The following AFG2A variants were observed in gnomAD, a reference collection of about 807,000 sequenced individuals.
The protein encoded by AFG2A is ATPase family gene 2 protein homolog A.
At chr4:123,087,152 G>A in the AFG2A span, among the ~76,000 whole-genome samples, 2 of 152,206 alleles carry the variant, frequency 1.3e-5, no homozygotes, top group South Asian at 2.1e-4. Flanking sequence ...ATGATATATG[G>A]GATAAAATGA....
chr4:122,937,884 G>T, the AFG2A span, among the ~76,000 whole-genome samples: 1 of 152,114 alleles, frequency 6.6e-6, no homozygotes, highest in Non-Finnish European at 1.5e-5. Flanking sequence ...CTTTTAAGCA[G>T]CATACTCTAC....
chr4:122,987,207 A>G, the AFG2A span, among the ~76,000 whole-genome samples: 50 of 152,112 alleles, frequency 3.3e-4, no homozygotes, highest in Non-Finnish European at 2.6e-4. Context: ...GCAAATAGCA[A>G]TCAAAATAGA....
At chr4:123,181,185 T>C in the AFG2A span, among the ~76,000 whole-genome samples, 2 of 151,836 alleles carry the variant, frequency 1.3e-5, no homozygotes, top group Non-Finnish European at 2.9e-5. Context: ...GGGGTTTCAC[T>C]GTGTTAGCCA....
the AFG2A span, among the ~76,000 whole-genome samples, chr4:123,007,608 G>GTGTGTGTGTA: frequency 7.1e-3 from 129 of 18,076 alleles, 1 homozygote; most frequent in African/African-American, 0.011. Context: ...GTGTGTGTGT[G>GTGTGTGTGTA]TATATATATA....
chr4:123,292,738 G>T, the AFG2A span, among the ~76,000 whole-genome samples: 1 of 152,118 alleles, frequency 6.6e-6, no homozygotes, highest in African/African-American at 2.4e-5. Context: ...GGCTGGAATG[G>T]CAGAGGTCCC....
At chr4:123,110,783 A>G in the AFG2A span, among the ~76,000 whole-genome samples, 1 of 152,204 alleles carries the variant, frequency 6.6e-6, no homozygotes, top group African/African-American at 2.4e-5. Context: ...AAGATGAGAA[A>G]ATTACTGCTC....
At chr4:122,978,411 G>A in the AFG2A span, among the ~76,000 whole-genome samples, 1 of 152,358 alleles carries the variant, frequency 6.6e-6, no homozygotes, top group South Asian at 2.1e-4. Context: ...GAGTCTGGCT[G>A]AGTCGGGTTT....
chr4:123,090,744 A>T, the AFG2A span: 1 of 1,586,562 alleles, frequency 6.3e-7, no homozygotes, highest in Non-Finnish European at 8.6e-7. Context: ...AAAATCAAGA[A>T]CTGGCTTGTT....
chr4:123,009,336 A>G, the AFG2A span, among the ~76,000 whole-genome samples: 1 of 152,200 alleles, frequency 6.6e-6, no homozygotes, highest in Non-Finnish European at 1.5e-5. Flanking sequence ...TCAGCTATCC[A>G]GATTCCAGTA....
chr4:123,204,873 T>G, the AFG2A span, among the ~76,000 whole-genome samples: 2 of 152,206 alleles, frequency 1.3e-5, no homozygotes, highest in Non-Finnish European at 2.9e-5. Context: ...CGTTTTGAAG[T>G]CCAAGAATGT....
At chr4:123,103,064 C>CT in the AFG2A span, among the ~76,000 whole-genome samples, 38 of 152,020 alleles carry the variant, frequency 2.5e-4, no homozygotes, top group Middle Eastern at 3.4e-3. Context: ...TGCAGTTACT[C>CT]TTTTTTGACA....
the AFG2A span, among the ~76,000 whole-genome samples, chr4:123,244,256 C>G: frequency 6.6e-6 from 1 of 152,078 alleles, no homozygotes; most frequent in Non-Finnish European, 1.5e-5. Context: ...TAAAACAGCC[C>G]TGCTGCACTC....
the AFG2A span, among the ~76,000 whole-genome samples, chr4:123,001,735 A>G: frequency 4.4e-4 from 67 of 152,232 alleles, no homozygotes; most frequent in African/African-American, 8.2e-4. Flanking sequence ...TATGTGGTCA[A>G]TTTTGGAATA....
the AFG2A span, among the ~76,000 whole-genome samples, chr4:123,159,354 G>A: frequency 6.6e-6 from 1 of 152,122 alleles, no homozygotes; most frequent in African/African-American, 2.4e-5. Context: ...AATGTTAGTT[G>A]GGGGAGTATT....
chr4:123,164,949 G>T, the AFG2A span, among the ~76,000 whole-genome samples: 1 of 152,086 alleles, frequency 6.6e-6, no homozygotes, highest in African/African-American at 2.4e-5. Context: ...AAGTTTGAAG[G>T]CCTTTTTACA....
At chr4:123,176,585 G>A in the AFG2A span, among the ~76,000 whole-genome samples, 1 of 152,086 alleles carries the variant, frequency 6.6e-6, no homozygotes. Context: ...CCAAATACAA[G>A]GGTTTTCATC....
At chr4:122,948,387 TACAC>T in the AFG2A span, among the ~76,000 whole-genome samples, 3,276 of 129,518 alleles carry the variant, frequency 0.025, 75 homozygotes, top group Middle Eastern at 0.074. Context: ...CTCCAGAGTA[TACAC>T]ACACACACAC....
At chr4:123,080,087 TG>T in the AFG2A span, among the ~76,000 whole-genome samples, 5 of 152,124 alleles carry the variant, frequency 3.3e-5, no homozygotes, top group African/African-American at 1.2e-4. Context: ...CTTTATTCCT[TG>T]GTTTCCTTTC....
chr4:123,245,952 A>T, the AFG2A span, among the ~76,000 whole-genome samples: 1 of 152,202 alleles, frequency 6.6e-6, no homozygotes, highest in Non-Finnish European at 1.5e-5. Flanking sequence ...AGCCTAGCTA[A>T]GCACTAAAGA....
Sources: allele counts gnomAD v4.1 joint callset (sites outside exome capture counted in the v4.1 genomes callset), GRCh38; gene constraint gnomAD v4.1.1; transcripts MANE v1.5; gene names NCBI Gene and HGNC (gene_info 2026-07-23, HGNC 2026-07-21).